The following TTC17 variants were observed in gnomAD, a reference collection of about 807,000 sequenced individuals.
The protein encoded by TTC17 is tetratricopeptide repeat domain 17.
Under a neutral mutation model 143.8 loss-of-function variants are expected in TTC17, and 58 were observed. That is an observed-to-expected ratio of 0.40 (90% CI 0.33 to 0.50). TTC17 has a LOEUF of 0.50. Ranked by LOEUF, TTC17 falls within the 20% of genes least tolerant of loss-of-function variation. The probability of loss-of-function intolerance (pLI) is 0.49; values close to 1 mark genes in which losing one functional copy is unlikely to be tolerated. For synonymous variants in TTC17, 501 were observed against 497.8 expected (o/e 1.01, Z -0.09); for missense variants, 1,273 against 1,392.5 (o/e 0.91, Z 1.37).
chr11:43,440,053 C>T (rs1290992690), intron 16 of TTC17, among the ~76,000 whole-genome samples: 1 of 152,212 alleles, frequency 6.6e-6, no homozygotes, highest in East Asian at 1.9e-4. Flanking sequence ...AGCAGCAAGC[C>T]TAAGATTTAC....
chr11:43,441,939 G>A (rs920945358), intron 16 of TTC17, among the ~76,000 whole-genome samples: 1 of 152,096 alleles, frequency 6.6e-6, no homozygotes, highest in African/African-American at 2.4e-5. Flanking sequence ...GTTGCTTAAC[G>A]ACAGGGATAT....
chr11:43,370,697 C>CA (rs1406035713), intron 1 of TTC17, among the ~76,000 whole-genome samples: 2 of 151,622 alleles, frequency 1.3e-5, no homozygotes, highest in South Asian at 2.1e-4. Flanking sequence ...TTAGAAAACA[C>CA]AAACAAGAAG....
chr11:43,383,188 T>C (rs532446940), intron 2 of TTC17, among the ~76,000 whole-genome samples: 14 of 152,046 alleles, frequency 9.2e-5, no homozygotes, highest in South Asian at 2.1e-4. Context: ...TGAGCCACCA[T>C]GTCTGGCCCC....
intron 21 of TTC17, among the ~76,000 whole-genome samples, chr11:43,461,332 C>T (rs1023393741): frequency 2.2e-5 from 3 of 137,698 alleles, no homozygotes; most frequent in Non-Finnish European, 3.0e-5. Flanking sequence ...TGCAGTGAGC[C>T]GAGATTGCGC....
At position 43,401,443 on chromosome 11, in the gene TTC17, C is replaced by T; in HGVS notation, c.1220-3C>T. Reference sequence around the variant, plus strand: ...ATTTGTGTAATTTCCTTTCTTATTCCAGGAAATCATCAGATATGCCGACTG... The same window carrying T: ...ATTTGTGTAATTTCCTTTCTTATTCTAGGAAATCATCAGATATGCCGACTG... On this transcript the variant is annotated splice_polypyrimidine_tract_variant and splice_region_variant and intron_variant, in intron 9 of 23. Coordinates refer to ENST00000039989, the MANE Select transcript of TTC17 (RefSeq NM_018259.6). The T allele has an allele frequency of 6.3e-7, 1 of 1,597,614 alleles. No individual in the cohort carries two copies. Among genetic ancestry groups the T allele is most frequent in the Non-Finnish European group, 8.5e-7 (1 of 1,169,734 alleles).
intron 21 of TTC17, among the ~76,000 whole-genome samples, chr11:43,477,661 C>T (rs1261571563): frequency 1.3e-5 from 2 of 152,196 alleles, no homozygotes; most frequent in Non-Finnish European, 2.9e-5. Flanking sequence ...TCAATTACTT[C>T]CTCCTGGGTC....
chr11:43,451,322 A>G, intron 21 of TTC17, 57 bp downstream of exon 21: 1 of 1,526,914 alleles, frequency 6.5e-7, no homozygotes, highest in Non-Finnish European at 9.1e-7. Context: ...CTTCTTTTCT[A>G]AGTTATTTGC....
intron 5 of TTC17, among the ~76,000 whole-genome samples, chr11:43,392,396 T>C (rs957170804): frequency 9.2e-5 from 14 of 152,208 alleles, no homozygotes; most frequent in Admixed American, 3.3e-4. Flanking sequence ...AAAAATGAAA[T>C]AGGGAATTAT....
At chr11:43,421,243 A>G (rs749278017) in intron 16 of TTC17, among the ~76,000 whole-genome samples, 2 of 152,190 alleles carry the variant, frequency 1.3e-5, no homozygotes, top group African/African-American at 4.8e-5. Context: ...CCATGCAGAT[A>G]TACAGCATAA....
At chr11:43,432,856 T>C (rs1947190216) in intron 16 of TTC17, among the ~76,000 whole-genome samples, 1 of 152,236 alleles carries the variant, frequency 6.6e-6, no homozygotes, top group South Asian at 2.1e-4. Flanking sequence ...TAAGTTCTTC[T>C]GAAATACTTC....
intron 16 of TTC17, among the ~76,000 whole-genome samples, chr11:43,424,998 T>C (rs1482851137): frequency 6.6e-6 from 1 of 152,240 alleles, no homozygotes; most frequent in Non-Finnish European, 1.5e-5. Flanking sequence ...TGACTTCTTG[T>C]TATATACACT....
intron 21 of TTC17, among the ~76,000 whole-genome samples, chr11:43,455,629 A>T (rs1947748380): frequency 6.6e-6 from 1 of 152,106 alleles, no homozygotes; most frequent in South Asian, 2.1e-4. Context: ...GAAAACTACA[A>T]TGCAGAAAAA....
chr11:43,383,483 G>T (rs978771686), intron 2 of TTC17, among the ~76,000 whole-genome samples: 1 of 151,852 alleles, frequency 6.6e-6, no homozygotes, highest in Admixed American at 6.5e-5. Flanking sequence ...CTCCCGAGTG[G>T]CTAGGATTAC....
intron 5 of TTC17, among the ~76,000 whole-genome samples, chr11:43,395,057 T>C (rs1477253481): frequency 2.0e-5 from 3 of 152,116 alleles, no homozygotes; most frequent in East Asian, 3.9e-4. Context: ...TGCTATGATA[T>C]ATATTTAACT....
intron 21 of TTC17, among the ~76,000 whole-genome samples, chr11:43,469,566 A>G (rs113201170): frequency 6.6e-6 from 1 of 152,210 alleles, no homozygotes; most frequent in Non-Finnish European, 1.5e-5. Flanking sequence ...ACGAATCTCA[A>G]TATTATTCTC....
intron 20 of TTC17, 47 bp downstream of exon 20, chr11:43,450,288 G>A: frequency 1.3e-6 from 2 of 1,577,824 alleles, no homozygotes; most frequent in Non-Finnish European, 1.7e-6. Context: ...TCACAGTTAG[G>A]ATGCACATTG....
intron 16 of TTC17, among the ~76,000 whole-genome samples, chr11:43,431,474 G>A (rs961875038): frequency 8.5e-5 from 13 of 152,158 alleles, no homozygotes; most frequent in African/African-American, 2.4e-4. Context: ...TCTAACTGGC[G>A]TGAGATGGAT....
At chr11:43,427,375 A>G (rs1192751591) in intron 16 of TTC17, among the ~76,000 whole-genome samples, 1 of 152,186 alleles carries the variant, frequency 6.6e-6, no homozygotes, top group Admixed American at 6.5e-5. Flanking sequence ...TCAGAAAGAT[A>G]TGTTGTATTT....
intron 21 of TTC17, among the ~76,000 whole-genome samples, chr11:43,486,184 C>G (rs938782634): frequency 3.9e-5 from 6 of 152,032 alleles, no homozygotes; most frequent in African/African-American, 1.5e-4. Flanking sequence ...GCTTCATTTT[C>G]CACGGTTTCA....
Sources: allele counts gnomAD v4.1 joint callset (sites outside exome capture counted in the v4.1 genomes callset), GRCh38; gene constraint gnomAD v4.1.1; transcripts MANE v1.5; gene names NCBI Gene and HGNC (gene_info 2026-07-23, HGNC 2026-07-21).